The following MACROD1 variants were observed in gnomAD, a reference collection of about 807,000 sequenced individuals.
The protein encoded by MACROD1 is ADP-ribose glycohydrolase MACROD1.
A neutral mutation model predicts 41.4 loss-of-function variants in MACROD1; 31 were observed. The ratio of observed to expected loss-of-function variants is 0.75; its 90% CI spans 0.56 to 1.01. The LOEUF is 1.01. MACROD1 is among the 50% of genes least tolerant of loss of function. The pLI is 0.00. For synonymous variants in MACROD1, 252 were observed against 203.4 expected, an observed-to-expected ratio of 1.24 and a Z score of -2.03; for missense variants, 473 against 460.0, an observed-to-expected ratio of 1.03 and a Z score of -0.26.
intron 3 of MACROD1, among the ~76,000 whole-genome samples, chr11:64,129,811 C>T (rs552319135): frequency 5.9e-5 from 9 of 152,296 alleles, no homozygotes; most frequent in African/African-American, 1.2e-4. Context: ...GGTTTTAATA[C>T]GCGCCCCAGG....
intron 1 of MACROD1, among the ~76,000 whole-genome samples, chr11:64,164,705 G>A (rs1945809292): frequency 6.6e-6 from 1 of 151,886 alleles, no homozygotes; most frequent in Admixed American, 6.6e-5. Flanking sequence ...CCCTAACACC[G>A]CAGGACCCCC....
chr11:63,998,974 G>T lies in MACROD1; in HGVS notation c.954C>A (p.Leu318=). The T allele has an allele frequency of 6.2e-7, 1 of 1,606,792 alleles. No individual in the cohort carries two copies. Among genetic ancestry groups the T allele is most frequent in the Non-Finnish European group, 8.5e-7 (1 of 1,177,460 alleles). ...EKDEDIYRSR[L]PHYFPVA Reference sequence around the variant, plus strand: ...ACGTACCCACGGGGAAGTAGTGGGGGAGCCGGCTCCGGTAGATGTCCTCGT... The same window carrying T: ...ACGTACCCACGGGGAAGTAGTGGGGTAGCCGGCTCCGGTAGATGTCCTCGT... The change falls in exon 9 of 11, where the codon CTC becomes CTA. Residue 318 remains leucine, a synonymous_variant. Transcript: ENST00000255681.
At chr11:64,110,697 G>C (rs1427994864) in intron 3 of MACROD1, among the ~76,000 whole-genome samples, 3 of 152,154 alleles carry the variant, frequency 2.0e-5, no homozygotes, top group African/African-American at 7.2e-5. Context: ...TCATGGAGCT[G>C]GCAGGTCGTA....
intron 3 of MACROD1, among the ~76,000 whole-genome samples, chr11:64,086,140 A>G (rs1429987686): frequency 1.3e-5 from 2 of 152,118 alleles, no homozygotes; most frequent in African/African-American, 2.4e-5. Flanking sequence ...GTGGCTGCGC[A>G]CACACAGCCA....
chr11:63,998,778 G>GGGTT (rs1942759697), intron 10 of MACROD1, 60 bp downstream of exon 10: 1 of 1,446,884 alleles, frequency 6.9e-7, no homozygotes, highest in African/African-American at 1.4e-5. Flanking sequence ...GGGTGAGCGG[G>GGGTT]GGTTAGTGGG....
At position 64,165,798 on chromosome 11, in the gene MACROD1, G is replaced by C. The variant is rs1418733802; in HGVS notation, c.197C>G (p.Ala66Gly). The C allele has an allele frequency of 3.4e-6, 5 of 1,479,142 alleles. No individual in the cohort carries two copies. Among genetic ancestry groups the C allele is most frequent in the Non-Finnish European group, 4.5e-6 (5 of 1,117,628 alleles). 91.6% of individuals were successfully genotyped at this position (1,479,142 alleles called of 1,614,324 possible). A position where few individuals can be genotyped will look rare whatever the true frequency, so the allele number is the denominator to read the frequency against. ...CCCGGCTGTCCGCCCCACCGCCGCC[G>C]CCCCCCACGCCCCAACTCCCGCCGA... ...RTSAGVGAWG[A>G]AAVGRTAGVR... The change falls in exon 1 of 11, where the codon GCG (alanine) becomes GGG (glycine). Residue 66 changes from alanine (A) to glycine (G), a missense_variant. Coordinates refer to ENST00000255681, the MANE Select transcript of MACROD1 (RefSeq NM_014067.4).
rs982867359 is a variant in MACROD1, at chr11:64,100,859, G to A, written c.517+50380C>T. On this transcript the variant is annotated intron_variant, in intron 3 of 10. Coordinates refer to ENST00000255681, the MANE Select transcript of MACROD1 (RefSeq NM_014067.4). ...AGGCTCTGCAGGCCCCAGGGAAGGT[G>A]GGGGTGGGGGCTGCAGCAGGGAAGG... is the stretch of plus-strand genomic sequence containing the variant. Among the ~76,000 whole-genome samples, 3 of 152,318 alleles carry A rather than the reference G, an allele frequency of 2.0e-5. No homozygotes were observed. The South Asian group carries it at 6.2e-4, about 32-fold the overall frequency.
At chr11:64,018,590 C>T (rs1055060300) in intron 3 of MACROD1, among the ~76,000 whole-genome samples, 10 of 152,198 alleles carry the variant, frequency 6.6e-5, no homozygotes, top group Non-Finnish European at 1.0e-4. Flanking sequence ...CTCAGGCCTC[C>T]GTGCACCCCA....
At chr11:64,030,974 TGAG>T (rs974567589) in intron 3 of MACROD1, among the ~76,000 whole-genome samples, 4 of 151,420 alleles carry the variant, frequency 2.6e-5, no homozygotes, top group South Asian at 2.1e-4. Context: ...TCTGGGCTGA[TGAG>T]GAGGAGTTGG....
At chr11:64,047,239 A>G (rs898615092) in intron 3 of MACROD1, among the ~76,000 whole-genome samples, 2 of 152,208 alleles carry the variant, frequency 1.3e-5, no homozygotes, top group Admixed American at 1.3e-4. Flanking sequence ...AACCAGTCAG[A>G]TTCCTCAACT....
chr11:64,052,626 C>T (rs530842932), intron 3 of MACROD1, among the ~76,000 whole-genome samples: 13 of 152,212 alleles, frequency 8.5e-5, no homozygotes, highest in Non-Finnish European at 1.8e-4. Flanking sequence ...CTGCTGAGTC[C>T]AGGGAGGGCC....
chr11:64,083,323 C>G (rs1427364395), intron 3 of MACROD1, among the ~76,000 whole-genome samples: 2 of 152,186 alleles, frequency 1.3e-5, no homozygotes, highest in Non-Finnish European at 2.9e-5. Flanking sequence ...ATAGTCCCAG[C>G]TACTCCAGAG....
intron 2 of MACROD1, among the ~76,000 whole-genome samples, chr11:64,152,027 G>T: frequency 6.6e-6 from 1 of 152,196 alleles, no homozygotes. Flanking sequence ...TACTCAGGAG[G>T]CTGAGGCAGG....
In MACROD1 at chr11:63,999,650, G is replaced by C. The variant is rs778942047; in HGVS notation, c.778C>G (p.Arg260Gly). ...CGCGGGCCGTCCCTCACCACCGAGC[G>C]GAGCCGGTGCTCCAGCAGCAGGTCC... ...SLDLLLEHRLRSVAFPCISTG... is the reference protein window; with the variant it reads ...SLDLLLEHRLGSVAFPCISTG... Residue 260 changes from arginine to glycine, a missense_variant, in exon 6 of 11, where the codon CGC (arginine) becomes GGC (glycine). By Grantham distance (125) the Arg-to-Gly change is moderately radical. Transcript: ENST00000255681. 6.2e-7 allele frequency: 1 copy of C among 1,609,332 alleles called. No individual in the cohort carries two copies. The highest frequency in any genetic ancestry group is 1.1e-5 in the South Asian group (1 of 90,438).
chr11:64,108,629 T>C (rs751812625), intron 3 of MACROD1, among the ~76,000 whole-genome samples: 21 of 152,218 alleles, frequency 1.4e-4, no homozygotes, highest in Non-Finnish European at 2.4e-4. Context: ...GCTTCCTGTC[T>C]AGTGGGAGGT....
chr11:64,062,710 G>A (rs966374468), intron 3 of MACROD1, among the ~76,000 whole-genome samples: 1 of 152,156 alleles, frequency 6.6e-6, no homozygotes, highest in Non-Finnish European at 1.5e-5. Context: ...CAGTGTGCCC[G>A]TCCTGCCCCG....
At position 64,120,180 on chromosome 11, in the gene MACROD1, G is replaced by T. The variant is rs913049569; in HGVS notation, c.517+31059C>A. 1.3e-5 allele frequency among the ~76,000 whole-genome samples: 2 copies of T among 152,234 alleles called. No individual in the cohort carries two copies. Among genetic ancestry groups the T allele is most frequent in the Non-Finnish European group, 2.9e-5 (2 of 68,044 alleles). On this transcript the variant is annotated intron_variant, in intron 3 of 10. Coordinates refer to ENST00000255681, the MANE Select transcript of MACROD1 (RefSeq NM_014067.4). The surrounding 1 kb of genome is among the most constrained non-coding windows in gnomAD (Gnocchi z 4.5). ...AAAGGAGCGGACACAACAGCCACGTGGAAAGTGGAAAAATGGGCACAGGCT... is the reference window on the plus strand; with the variant it reads ...AAAGGAGCGGACACAACAGCCACGTTGAAAGTGGAAAAATGGGCACAGGCT...
intron 3 of MACROD1, among the ~76,000 whole-genome samples, chr11:64,102,444 C>G (rs1001806854): frequency 6.6e-6 from 1 of 152,184 alleles, no homozygotes; most frequent in African/African-American, 2.4e-5. Context: ...CCCTGATGGT[C>G]CTGCTTCCCA....
intron 3 of MACROD1, among the ~76,000 whole-genome samples, chr11:64,127,170 A>G (rs543355229): frequency 5.9e-5 from 9 of 152,362 alleles, no homozygotes; most frequent in East Asian, 3.9e-4. Flanking sequence ...TGAAACTTCA[A>G]TGTTGAGATG....
Sources: gnomAD v4.1 joint callset for allele counts (sites outside exome capture counted in the v4.1 genomes callset) on GRCh38, gnomAD v4.1.1 for gene constraint, Gnocchi (gnomAD v3.1) non-coding constraint, MANE v1.5 for transcripts, NCBI Gene and HGNC (gene_info 2026-07-23, HGNC 2026-07-21) for gene names.